GRID2: variants seen among roughly 807,000 people sequenced by gnomAD.
GRID2 encodes the protein glutamate ionotropic receptor delta type subunit 2, also known as glutamate receptor ionotropic, delta-2.
Under a neutral mutation model 114.8 loss-of-function variants are expected in GRID2, and 33 were observed. That is an observed-to-expected ratio of 0.29 (90% confidence interval 0.22 to 0.38). GRID2 has a LOEUF of 0.38. GRID2 is among the 10% of genes least tolerant of loss of function. GRID2 has a pLI of 1.00. For synonymous variants in GRID2, 505 were observed against 449.9 expected (o/e 1.12, Z -1.55); for missense variants, 1,184 against 1,257.7 (o/e 0.94, Z 0.89).
intron 2 of GRID2, among the ~76,000 whole-genome samples, chr4:92,736,818 G>A (rs192681900): frequency 3.9e-5 from 6 of 152,170 alleles, no homozygotes; most frequent in African/African-American, 1.4e-4. Flanking sequence ...AGTGACAAGT[G>A]TTGAATTATA....
At chr4:93,553,026 C>T (rs1288628452) in intron 13 of GRID2, among the ~76,000 whole-genome samples, 1 of 152,102 alleles carries the variant, frequency 6.6e-6, no homozygotes, top group African/African-American at 2.4e-5. Context: ...TTTATCCAGT[C>T]TATTATTGAT....
intron 13 of GRID2, among the ~76,000 whole-genome samples, chr4:93,545,723 G>A (rs1382405351): frequency 6.6e-6 from 1 of 152,056 alleles, no homozygotes. Flanking sequence ...ATAACTGTAT[G>A]CATATGTAAA....
chr4:92,926,835 G>A lies in GRID2; in HGVS notation c.245-158160G>A, dbSNP rs1225647509. Among the ~76,000 whole-genome samples the A allele has an allele frequency of 4.0e-5, 6 of 151,860 alleles. No homozygotes were observed. In the Admixed American group the frequency reaches 4.0e-4, roughly 10 times the overall value. On this transcript the variant is annotated intron_variant, in intron 2 of 15. Transcript: ENST00000282020. The stretch of plus-strand genomic sequence containing the variant: ...TGGCAGAAGGCATAACATGAGTTAA[G>A]GAGCAATAACTAACTCATTCCCATG...
intron 8 of GRID2, among the ~76,000 whole-genome samples, chr4:93,347,040 T>C (rs1370390377): frequency 2.6e-5 from 4 of 152,078 alleles, no homozygotes; most frequent in Admixed American, 2.6e-4. Flanking sequence ...GGTCTTTCCT[T>C]GCCTCACCAC....
At chr4:92,602,209 A>C (rs930175752) in intron 2 of GRID2, among the ~76,000 whole-genome samples, 4 of 151,518 alleles carry the variant, frequency 2.6e-5, no homozygotes, top group African/African-American at 9.7e-5. Context: ...GATTTAAAAA[A>C]AAAAAAAAGA....
intron 2 of GRID2, among the ~76,000 whole-genome samples, chr4:92,613,563 C>T (rs530823723): frequency 5.9e-5 from 9 of 151,546 alleles, no homozygotes; most frequent in African/African-American, 1.7e-4. Context: ...TAAGATTTTG[C>T]ATTATTCAAT....
intron 14 of GRID2, among the ~76,000 whole-genome samples, chr4:93,626,848 T>C (rs1293394651): frequency 1.3e-5 from 2 of 152,220 alleles, no homozygotes; most frequent in Non-Finnish European, 2.9e-5. Context: ...AAAGCTCTGA[T>C]GGACTGAAGC....
chr4:93,559,908 G>A (rs577990976), intron 13 of GRID2, among the ~76,000 whole-genome samples: 43 of 152,216 alleles, frequency 2.8e-4, no homozygotes, highest in African/African-American at 1.0e-3. Flanking sequence ...CATAAAAAAG[G>A]ATGAGTTCAT....
At chr4:93,808,354 C>G (rs2110373734) in exon 2 of GRID2, 1 of 152,332 alleles carries the variant, frequency 6.6e-6, no homozygotes, top group South Asian at 2.1e-4. Flanking sequence ...ACATTATATA[C>G]TGTACCTACC....
At chr4:93,476,380 C>G (rs1725324766) in intron 11 of GRID2, among the ~76,000 whole-genome samples, 1 of 152,128 alleles carries the variant, frequency 6.6e-6, no homozygotes, top group African/African-American at 2.4e-5. Context: ...ATCATACTAT[C>G]TGAAAGCTTT....
chr4:93,480,997 T>C (rs756919109), intron 11 of GRID2, among the ~76,000 whole-genome samples: 3 of 152,056 alleles, frequency 2.0e-5, no homozygotes, highest in Non-Finnish European at 2.9e-5. Context: ...AATGAATTAC[T>C]ACCACCCCCT....
chr4:92,372,724 C>A (rs974243628), intron 1 of GRID2, among the ~76,000 whole-genome samples: 2 of 152,038 alleles, frequency 1.3e-5, no homozygotes, highest in African/African-American at 4.8e-5. Flanking sequence ...TGTTTTAAGT[C>A]ACTTAACAAA....
At chr4:92,600,823 T>A (rs985102628) in intron 2 of GRID2, among the ~76,000 whole-genome samples, 1 of 152,162 alleles carries the variant, frequency 6.6e-6, no homozygotes, top group African/African-American at 2.4e-5. Flanking sequence ...CTGTAAAAGG[T>A]ATCTGGTGAC....
intron 7 of GRID2, among the ~76,000 whole-genome samples, chr4:93,225,816 AT>A (rs1288873551): frequency 6.6e-6 from 1 of 152,186 alleles, no homozygotes; most frequent in Non-Finnish European, 1.5e-5. Context: ...TGGGAAATAT[AT>A]AAAAAATGGA....
At chr4:92,525,599 T>C (rs1246342489) in intron 1 of GRID2, among the ~76,000 whole-genome samples, 1 of 152,016 alleles carries the variant, frequency 6.6e-6, no homozygotes, top group Non-Finnish European at 1.5e-5. Context: ...GGAAGCAGCT[T>C]TAGAAAAACA....
chr4:92,924,845 C>A (rs1293989491), intron 2 of GRID2, among the ~76,000 whole-genome samples: 1 of 152,076 alleles, frequency 6.6e-6, no homozygotes, highest in South Asian at 2.1e-4. Context: ...CACAGCTCAG[C>A]AATAAGATCC....
intron 13 of GRID2, among the ~76,000 whole-genome samples, chr4:93,589,881 C>A (rs1297941130): frequency 1.3e-5 from 2 of 151,600 alleles, no homozygotes; most frequent in East Asian, 3.9e-4. Context: ...ATGTCCTTTG[C>A]CCACTTGTTG....
chr4:93,101,441 T>C (rs1226198980), intron 3 of GRID2, among the ~76,000 whole-genome samples: 1 of 152,050 alleles, frequency 6.6e-6, no homozygotes, highest in East Asian at 1.9e-4. Context: ...TCTTGGCCCC[T>C]GGTCATCACC....
At chr4:93,274,274 T>G (rs1751814430) in intron 8 of GRID2, among the ~76,000 whole-genome samples, 1 of 152,102 alleles carries the variant, frequency 6.6e-6, no homozygotes, top group Non-Finnish European at 1.5e-5. Flanking sequence ...GCCATTTGCT[T>G]AACAAGGCAC....
Sources: gnomAD v4.1 joint callset for allele counts (sites outside exome capture counted in the v4.1 genomes callset) on GRCh38, gnomAD v4.1.1 for gene constraint, MANE v1.5 for transcripts, NCBI Gene and HGNC (gene_info 2026-07-23, HGNC 2026-07-21) for gene names.